The following ICA1 variants were observed in gnomAD, a reference collection of about 807,000 sequenced individuals.
ICA1 encodes the protein islet cell autoantigen 1, also known as 69 kDa islet cell autoantigen.
In ICA1, 40 loss-of-function variants were observed where a neutral mutation model predicts 71.0. The observed-to-expected ratio is 0.56, with a 90% CI of 0.44 to 0.73. The LOEUF is 0.73. ICA1 is among the 30% of genes least tolerant of loss of function. The probability of loss-of-function intolerance (pLI) is 0.00; values close to 1 mark genes in which losing one functional copy is unlikely to be tolerated. For missense variants in ICA1, 578 were observed against 576.5 expected (o/e 1.00, Z -0.03); for synonymous variants, 207 against 209.5 (o/e 0.99, Z 0.10).
chr7:8,128,205 C>G, intron 12 of ICA1, 63 bp from the exon 13 acceptor site: 2 of 1,536,702 alleles, frequency 1.3e-6, no homozygotes, highest in Non-Finnish European at 1.8e-6. Context: ...GGAATCAATG[C>G]TGTGGGGGCT....
intron 6 of ICA1, among the ~76,000 whole-genome samples, chr7:8,185,231 C>T (rs1490391044): frequency 1.3e-5 from 2 of 151,896 alleles, no homozygotes; most frequent in Non-Finnish European, 2.9e-5. Context: ...AATTTTAATC[C>T]TGACCTTGTA....
intron 8 of ICA1, among the ~76,000 whole-genome samples, chr7:8,151,896 G>A (rs1238748625): frequency 6.6e-6 from 1 of 152,204 alleles, no homozygotes; most frequent in African/African-American, 2.4e-5. Context: ...GGGTACATCT[G>A]TTTCAATGGT....
chr7:8,192,808 AT>A (rs1786141471), intron 6 of ICA1, among the ~76,000 whole-genome samples: 1 of 152,180 alleles, frequency 6.6e-6, no homozygotes, highest in Non-Finnish European at 1.5e-5. Context: ...ACTTACTAAA[AT>A]TATTTATTTA....
chr7:8,146,152 G>A (rs760499912), intron 8 of ICA1, among the ~76,000 whole-genome samples: 6 of 152,260 alleles, frequency 3.9e-5, no homozygotes, highest in African/African-American at 1.2e-4. Context: ...CGGTGAACAC[G>A]ACAGACAAAA....
intron 2 of ICA1, among the ~76,000 whole-genome samples, chr7:8,233,160 C>A (rs1800784686): frequency 6.6e-6 from 1 of 152,152 alleles, no homozygotes. Context: ...ACAGCCAACA[C>A]TGAGGTGATG....
At chr7:8,141,073 T>C (rs1290258290) in intron 10 of ICA1, among the ~76,000 whole-genome samples, 1 of 152,190 alleles carries the variant, frequency 6.6e-6, no homozygotes, top group Non-Finnish European at 1.5e-5. Flanking sequence ...TGAGTGCCAG[T>C]GAAGTGCTTG....
intron 1 of ICA1, among the ~76,000 whole-genome samples, chr7:8,241,632 G>C (rs921078458): frequency 7.9e-5 from 12 of 152,154 alleles, no homozygotes; most frequent in African/African-American, 1.4e-4. Flanking sequence ...ATTGGATAAA[G>C]AGTCAAGACC....
At chr7:8,192,799 C>T (rs1786139418) in intron 6 of ICA1, among the ~76,000 whole-genome samples, 1 of 152,178 alleles carries the variant, frequency 6.6e-6, no homozygotes, top group African/African-American at 2.4e-5. Flanking sequence ...TAGTATTACA[C>T]TTACTAAAAT....
chr7:8,218,756 G>A (rs561664762), intron 5 of ICA1: 22 of 510,338 alleles, frequency 4.3e-5, no homozygotes, highest in South Asian at 1.8e-4. Context: ...CTCCATCCGC[G>A]TTGTTGGGGG....
At chr7:8,230,654 T>C (rs959773169) in intron 3 of ICA1, among the ~76,000 whole-genome samples, 2 of 152,358 alleles carry the variant, frequency 1.3e-5, no homozygotes, top group South Asian at 2.1e-4. Context: ...ATAATGCATG[T>C]ATTTACTAGG....
chr7:8,134,039 C>T (rs1053616124), intron 12 of ICA1, among the ~76,000 whole-genome samples: 1 of 152,102 alleles, frequency 6.6e-6, no homozygotes, highest in African/African-American at 2.4e-5. Flanking sequence ...TCTGCTTTTA[C>T]TTCAGAACCT....
chr7:8,207,279 G>T (rs887196424), intron 6 of ICA1, among the ~76,000 whole-genome samples: 3 of 152,198 alleles, frequency 2.0e-5, no homozygotes, highest in Non-Finnish European at 4.4e-5. Flanking sequence ...TCATTTGATG[G>T]TAACAACAGA....
intron 13 of ICA1, among the ~76,000 whole-genome samples, chr7:8,126,458 T>C (rs2128056251): frequency 1.3e-5 from 2 of 152,208 alleles, no homozygotes. Flanking sequence ...CTGCTATCTC[T>C]ACCTCCATTA....
rs543387205 is a variant in ICA1 at position 8,198,184 on chromosome 7, C to T, written c.579+20121G>A. On this transcript the variant is annotated intron_variant, in intron 6 of 13. Transcript: ENST00000402384. ...TTGTCACAAACATCCACCCATCCTG[C>T]GCTGCACACTGTGCTACTTCATGCT... Among the ~76,000 whole-genome samples the T allele has an allele frequency of 3.0e-4, 45 of 152,298 alleles. 1 individual carries two copies. The highest frequency in any genetic ancestry group is 1.0e-3 in the Admixed American group (16 of 15,302).
intron 8 of ICA1, among the ~76,000 whole-genome samples, chr7:8,156,215 A>G (rs1156938185): frequency 6.6e-6 from 1 of 152,200 alleles, no homozygotes; most frequent in Non-Finnish European, 1.5e-5. Flanking sequence ...CTGACATTAT[A>G]CACATCTCAG....
rs1584324856 is a variant in ICA1 at position 8,130,435 on chromosome 7, G to A, written c.1061-2293C>T. 6.6e-6 allele frequency among the ~76,000 whole-genome samples: 1 copy of A among 152,198 alleles called. No individual in the cohort carries two copies. Among genetic ancestry groups the A allele is most frequent in the African/African-American group, 2.4e-5 (1 of 41,440 alleles). ...GTATCTACGCATGCTCCCCTCTCCAGCATCACCTTTTTAAGGATTATTAAC... is the reference window on the plus strand; with the variant it reads ...GTATCTACGCATGCTCCCCTCTCCAACATCACCTTTTTAAGGATTATTAAC... On this transcript the variant is annotated intron_variant, in intron 12 of 13. Transcript: ENST00000402384. The surrounding 1 kb of genome is among the most constrained non-coding windows in gnomAD (Gnocchi z 4.2).
At chr7:8,231,894 G>A (rs959820424) in intron 3 of ICA1, among the ~76,000 whole-genome samples, 3 of 152,114 alleles carry the variant, frequency 2.0e-5, no homozygotes, top group Middle Eastern at 3.2e-3. Flanking sequence ...CCCATTAAAT[G>A]TTCAGTTCAT....
intron 12 of ICA1, among the ~76,000 whole-genome samples, chr7:8,135,253 T>C (rs914819842): frequency 6.6e-6 from 1 of 152,074 alleles, no homozygotes; most frequent in Non-Finnish European, 1.5e-5. Context: ...TCTCGAACTC[T>C]TGACCTCAAG....
In ICA1 at chr7:8,113,907, C is replaced by T. The variant is rs1206555967; in HGVS notation, c.*16G>A. ...GCTGGGGGCGGCATGTGAGTGCCCTCCCGAAGGGTACAGATTCATGCATTG... is the reference window on the plus strand; with the variant it reads ...GCTGGGGGCGGCATGTGAGTGCCCTTCCGAAGGGTACAGATTCATGCATTG... On this transcript the variant is annotated 3_prime_UTR_variant, in exon 14 of 14. Coordinates refer to ENST00000402384, the MANE Select transcript of ICA1 (RefSeq NM_001136020.3). This position sits in a 1 kb window ranked among gnomAD's most constrained non-coding sequence, Gnocchi z 4.2. 4 of 1,614,082 alleles carry T rather than the reference C, an allele frequency of 2.5e-6. No homozygotes were observed. Among genetic ancestry groups the T allele is most frequent in the East Asian group, 2.2e-5 (1 of 44,880 alleles).
Sources: allele counts gnomAD v4.1 joint callset (sites outside exome capture counted in the v4.1 genomes callset), GRCh38; gene constraint gnomAD v4.1.1; non-coding constraint Gnocchi (gnomAD v3.1); transcripts MANE v1.5; gene names NCBI Gene and HGNC (gene_info 2026-07-23, HGNC 2026-07-21).